DAB1: variants seen among roughly 807,000 people sequenced by gnomAD.
The protein encoded by DAB1 is disabled homolog 1.
Under a neutral mutation model 64.6 loss-of-function variants are expected in DAB1, and 15 were observed. The ratio of observed to expected loss-of-function variants is 0.23; its 90% CI spans 0.16 to 0.36. DAB1 has a LOEUF of 0.36. Ranked by LOEUF, DAB1 falls within the 10% of genes least tolerant of loss-of-function variation. The pLI, the probability that DAB1 is intolerant of heterozygous loss-of-function variation, is 1.00. For synonymous variants in DAB1, 235 were observed against 251.9 expected (o/e 0.93, Z 0.64); for missense variants, 596 against 706.7 (o/e 0.84, Z 1.78).
intron 4 of DAB1, among the ~76,000 whole-genome samples, chr1:58,326,492 C>T (rs563157185): frequency 2.6e-5 from 4 of 152,270 alleles, no homozygotes; most frequent in Non-Finnish European, 4.4e-5. Context: ...TGGAAGAAGA[C>T]GGTCTGGAAT....
chr1:58,102,025 C>T (rs1651350779), intron 5 of DAB1, among the ~76,000 whole-genome samples: 1 of 152,222 alleles, frequency 6.6e-6, no homozygotes, highest in Admixed American at 6.5e-5. Flanking sequence ...GGTATTAACT[C>T]GGTGCTTACC....
chr1:58,188,589 T>A (rs1303558042), intron 4 of DAB1, among the ~76,000 whole-genome samples: 1 of 152,230 alleles, frequency 6.6e-6, no homozygotes, highest in East Asian at 1.9e-4. Context: ...TAGGATTTGA[T>A]GCATTACAGG....
intron 5 of DAB1, among the ~76,000 whole-genome samples, chr1:58,116,922 T>C (rs1652371130): frequency 6.6e-6 from 1 of 152,190 alleles, no homozygotes; most frequent in African/African-American, 2.4e-5. Context: ...CACAAAATCC[T>C]AAATGACTTT....
chr1:57,949,296 A>G (rs535601070), intron 5 of DAB1, among the ~76,000 whole-genome samples: 12 of 152,310 alleles, frequency 7.9e-5, no homozygotes, highest in African/African-American at 2.6e-4. Flanking sequence ...TTGTGCTCCT[A>G]TAAGAATCTA....
intron 3 of DAB1, among the ~76,000 whole-genome samples, chr1:58,379,654 G>A (rs901657625): frequency 2.0e-5 from 3 of 152,224 alleles, no homozygotes; most frequent in African/African-American, 7.2e-5. Flanking sequence ...AGGCTCTAGG[G>A]ATACAGTGGT....
chr1:58,274,585 G>A (rs936211644), intron 4 of DAB1, among the ~76,000 whole-genome samples: 1 of 148,090 alleles, frequency 6.8e-6, no homozygotes, highest in East Asian at 2.1e-4. Context: ...CTGGGCAATG[G>A]CGGGCGCCCC....
intron 2 of DAB1, among the ~76,000 whole-genome samples, chr1:57,200,681 C>T (rs955494881): frequency 2.0e-5 from 3 of 152,150 alleles, no homozygotes; most frequent in South Asian, 4.1e-4. Context: ...GCTACTAAAA[C>T]TTTTATAGCT....
intron 6 of DAB1, among the ~76,000 whole-genome samples, chr1:57,804,541 G>A (rs951402275): frequency 6.6e-6 from 1 of 152,200 alleles, no homozygotes; most frequent in Non-Finnish European, 1.5e-5. Flanking sequence ...CTCCAAAACA[G>A]ATGTGTAAGA....
chr1:57,656,370 T>TG (rs1558581326), intron 6 of DAB1, among the ~76,000 whole-genome samples: 4 of 145,858 alleles, frequency 2.7e-5, no homozygotes, highest in Non-Finnish European at 3.0e-5. Flanking sequence ...GTGTGTGTGT[T>TG]TTTGTGCTCG....
chr1:57,006,854 G>A (rs1247521372), intron 14 of DAB1, among the ~76,000 whole-genome samples: 1 of 152,060 alleles, frequency 6.6e-6, no homozygotes, highest in Non-Finnish European at 1.5e-5. Context: ...TTTGATTCTT[G>A]GACAGCTTGG....
At chr1:57,673,610 A>T (rs942811564) in intron 6 of DAB1, among the ~76,000 whole-genome samples, 1 of 152,134 alleles carries the variant, frequency 6.6e-6, no homozygotes, top group African/African-American at 2.4e-5. Context: ...TGATTATTTC[A>T]TATTGACATT....
In DAB1 at chr1:57,023,609, G is replaced by A; in HGVS notation, c.817C>T (p.Pro273Ser). The A allele has an allele frequency of 6.2e-7, 1 of 1,612,410 alleles. No homozygotes were observed. The highest frequency in any genetic ancestry group is 8.5e-7 in the Non-Finnish European group (1 of 1,179,358). The change falls in exon 11 of 15, where the codon CCA becomes TCA. Residue 273 changes from proline (P) to serine (S), a missense_variant. Physicochemically the swap from Pro to Ser is moderately conservative, Grantham distance 74. Around this residue, in one of 3 missense-constraint regions of DAB1, gnomAD observed 377 missense variants for 400.4 expected, o/e 0.94. Coordinates refer to ENST00000371236, the MANE Select transcript of DAB1 (RefSeq NM_001365792.1). Reference sequence around the variant, plus strand: ...GCTGGAAGGGTCTGAGATGAAGATGGGATAAAGGCATCACCTGGAGTTGCA... The same window carrying A: ...GCTGGAAGGGTCTGAGATGAAGATGAGATAAAGGCATCACCTGGAGTTGCA... ...TPATPGDAFI[P>S]SSSQTLPASA...
At chr1:57,790,931 T>C (rs1209214109) in intron 6 of DAB1, among the ~76,000 whole-genome samples, 2 of 152,292 alleles carry the variant, frequency 1.3e-5, no homozygotes, top group South Asian at 2.1e-4. Context: ...ATTTTAAACA[T>C]GGTAGATAGC....
chr1:57,738,239 G>A (rs2101785382), intron 6 of DAB1, among the ~76,000 whole-genome samples: 1 of 152,212 alleles, frequency 6.6e-6, no homozygotes. Context: ...CTCTTTTGAA[G>A]GTAGGAAGTA....
At position 56,997,615 on chromosome 1, in the gene DAB1, A is replaced by G. The variant is rs1645678729; in HGVS notation, c.*529T>C. 6.6e-6 allele frequency: 1 copy of G among 152,218 alleles called. No individual in the cohort carries two copies. Among genetic ancestry groups the G allele is most frequent in the Non-Finnish European group, 1.5e-5 (1 of 68,036 alleles). The allele number at this position is 152,218 out of a possible 1,614,324, so 9.4% of individuals were successfully genotyped here. ...GCAGACCAGGCCCCATGGAGTGACA[A>G]AAAACACATCATCCTATGTGAAAAG... On this transcript the variant is annotated 3_prime_UTR_variant, in exon 15 of 15. Coordinates refer to ENST00000371236, the MANE Select transcript of DAB1 (RefSeq NM_001365792.1).
rs183340488 is a variant in DAB1 at position 58,269,230 on chromosome 1, G to A, written n.309+74122C>T. Among the ~76,000 whole-genome samples, 804 of 145,792 alleles carry A rather than the reference G, an allele frequency of 5.5e-3. 23 individuals carry two copies. Among genetic ancestry groups the A allele is most frequent in the Admixed American group, 0.052 (726 of 14,000 alleles). ...CTTCCTGTGTCCATGTGATCTCATT[G>A]TTCAATTCCCACCTATGAGTGAGAA... On this transcript the variant is annotated intron_variant and non_coding_transcript_variant, in intron 4 of 20. Transcript: ENST00000485760.
At position 57,843,859 on chromosome 1, in the gene DAB1, C is replaced by G. The variant is rs1327075734; in HGVS notation, n.88-17404G>C. 2.0e-5 allele frequency among the ~76,000 whole-genome samples: 3 copies of G among 152,044 alleles called. No homozygotes were observed. The East Asian group carries it at 5.8e-4, about 29-fold the overall frequency. On this transcript the variant is annotated intron_variant and non_coding_transcript_variant, in intron 1 of 1. Transcript: ENST00000477280. ...TGTAGGAAGAAACAAGCAGGAACAG[C>G]AATACTTGACCTCTTTGGAAACATT...
At chr1:58,534,523 G>C (rs561003312) in intron 1 of DAB1, among the ~76,000 whole-genome samples, 5 of 152,112 alleles carry the variant, frequency 3.3e-5, no homozygotes, top group Non-Finnish European at 5.9e-5. Flanking sequence ...TCTTACAAAG[G>C]AATAAATTCT....
chr1:58,200,190 C>A (rs1657920717), intron 4 of DAB1, among the ~76,000 whole-genome samples: 1 of 152,126 alleles, frequency 6.6e-6, no homozygotes, highest in Admixed American at 6.5e-5. Context: ...CTCTCAGGGA[C>A]TCGAACTGTT....
Sources: allele counts gnomAD v4.1 joint callset (sites outside exome capture counted in the v4.1 genomes callset), GRCh38; gene constraint gnomAD v4.1.1; regional missense constraint gnomAD v4.1.1; transcripts MANE v1.5; gene names NCBI Gene and HGNC (gene_info 2026-07-23, HGNC 2026-07-21).